CCSER2: variants seen among roughly 807,000 people sequenced by gnomAD.
The protein encoded by CCSER2 is coiled-coil serine rich protein 2.
In CCSER2, 46 loss-of-function variants were observed where a neutral mutation model predicts 92.3. The ratio of observed to expected loss-of-function variants is 0.50; its 90% CI spans 0.39 to 0.64. CCSER2 has a LOEUF of 0.64. Among genes scored for constraint, CCSER2 ranks in the 30% least tolerant of loss-of-function variants. CCSER2 has a pLI of 0.00. For synonymous variants in CCSER2, 433 were observed against 431.4 expected (o/e 1.00, Z -0.04); for missense variants, 1,244 against 1,238.9 (o/e 1.00, Z -0.06).
At chr10:84,425,071 T>C (rs916563327) in intron 4 of CCSER2, 341 of 966,244 alleles carry the variant, frequency 3.5e-4, no homozygotes, top group Non-Finnish European at 3.8e-4. Context: ...GCTTGGGGTG[T>C]TTCAAAGAGA....
chr10:84,363,547 C>A (rs1428605014), intron 1 of CCSER2, among the ~76,000 whole-genome samples: 1 of 152,000 alleles, frequency 6.6e-6, no homozygotes, highest in Non-Finnish European at 1.5e-5. Context: ...TCTGTTTAAA[C>A]CCCTAAAATG....
intron 3 of CCSER2, among the ~76,000 whole-genome samples, chr10:84,383,715 C>T (rs958475882): frequency 1.3e-5 from 2 of 152,202 alleles, no homozygotes; most frequent in African/African-American, 4.8e-5. Flanking sequence ...TATTATACTA[C>T]TGTCAAACTG....
chr10:84,399,992 G>A (rs1176906722), intron 3 of CCSER2, among the ~76,000 whole-genome samples: 1 of 151,950 alleles, frequency 6.6e-6, no homozygotes, highest in East Asian at 1.9e-4. Context: ...AGTCTCAAAT[G>A]AGGTTGAACT....
intron 3 of CCSER2, chr10:84,389,421 T>C (rs1451510518): frequency 8.2e-6 from 4 of 485,448 alleles, no homozygotes; most frequent in African/African-American, 2.0e-5. Flanking sequence ...GCTTTGATGA[T>C]CGGTGCAGAG....
chr10:84,484,490 C>CGTGTGT (rs143391336), intron 9 of CCSER2, among the ~76,000 whole-genome samples: 3,475 of 147,346 alleles, frequency 0.024, 122 homozygotes, highest in African/African-American at 0.077. Flanking sequence ...TGTGCATGCA[C>CGTGTGT]GTGTGTGTGT....
intron 5 of CCSER2, among the ~76,000 whole-genome samples, chr10:84,432,187 C>G (rs1843810026): frequency 6.6e-6 from 1 of 152,168 alleles, no homozygotes; most frequent in South Asian, 2.1e-4. Context: ...TATTTGCCAT[C>G]TGTATATCTT....
At chr10:84,403,351 A>G (rs957180272) in intron 3 of CCSER2, among the ~76,000 whole-genome samples, 1 of 152,208 alleles carries the variant, frequency 6.6e-6, no homozygotes, top group Non-Finnish European at 1.5e-5. Flanking sequence ...AAAGAAATAT[A>G]GAAGAAAATC....
At position 84,362,060 on chromosome 10, in the gene CCSER2, C is replaced by T. The variant is rs541042708; in HGVS notation, c.-39-8954C>T. 3.9e-5 allele frequency among the ~76,000 whole-genome samples: 6 copies of T among 152,276 alleles called. No homozygotes were observed. In the South Asian group the frequency reaches 1.2e-3, roughly 32 times the overall value. On this transcript the variant is annotated intron_variant, in intron 1 of 9. Coordinates refer to ENST00000372088, the MANE Select transcript of CCSER2 (RefSeq NM_001284240.2). ...CAAGCTGGGGCTTGAGTAGTGTATT[C>T]TGGTGAATCAAACCCAGTATGTGCC...
chr10:84,421,895 T>C (rs1468343586), intron 4 of CCSER2, among the ~76,000 whole-genome samples: 1 of 152,186 alleles, frequency 6.6e-6, no homozygotes, highest in Non-Finnish European at 1.5e-5. Flanking sequence ...CAAAAGGTTA[T>C]GATCTAATGG....
chr10:84,476,277 T>C (rs776537025), intron 8 of CCSER2, among the ~76,000 whole-genome samples: 19 of 152,132 alleles, frequency 1.2e-4, no homozygotes, highest in Non-Finnish European at 2.4e-4. Context: ...ATTTTGAATA[T>C]GGGTAAATAT....
chr10:84,500,223 C>T (rs1848654309), intron 9 of CCSER2, among the ~76,000 whole-genome samples: 1 of 152,148 alleles, frequency 6.6e-6, no homozygotes, highest in African/African-American at 2.4e-5. Context: ...GACCCTAGAC[C>T]TACTGACATG....
chr10:84,374,002 C>A, intron 3 of CCSER2, 187 bp downstream of exon 3: 1 of 1,262,286 alleles, frequency 7.9e-7, no homozygotes, highest in East Asian at 2.5e-5. Flanking sequence ...GAATATATGA[C>A]ATTTGACTTA....
intron 3 of CCSER2, among the ~76,000 whole-genome samples, chr10:84,375,161 G>C (rs1216816678): frequency 1.3e-5 from 2 of 152,096 alleles, no homozygotes; most frequent in African/African-American, 4.8e-5. Context: ...TAACCACCTT[G>C]ATTCAGTTCA....
intron 2 of CCSER2, among the ~76,000 whole-genome samples, chr10:84,373,377 C>T (rs1045142696): frequency 2.1e-4 from 32 of 152,062 alleles, no homozygotes; most frequent in African/African-American, 7.7e-4. Flanking sequence ...GGAAATATTA[C>T]AGAAGTGAAA....
In CCSER2 at chr10:84,470,477, T is replaced by C. The variant is rs376580932; in HGVS notation, c.2235+19T>C. ...TCAGCTTGTAAGTATTGTAGTATAA[T>C]GTATAGAGACTTTTCAAACTGGGTG... On this transcript the variant is annotated intron_variant, in intron 8 of 9. Transcript: ENST00000372088. 1.1e-5 allele frequency: 15 copies of C among 1,393,212 alleles called. No homozygotes were observed. The African/African-American group carries it at 1.8e-4, about 17-fold the overall frequency. The allele number at this position is 1,393,212 out of a possible 1,614,324, so 86.3% of individuals were successfully genotyped here. A position where few individuals can be genotyped will look rare whatever the true frequency, so the allele number is the denominator to read the frequency against.
At chr10:84,346,774 A>ATT (rs890343283) in intron 1 of CCSER2, among the ~76,000 whole-genome samples, 6 of 148,454 alleles carry the variant, frequency 4.0e-5, no homozygotes. Context: ...ATATATATAT[A>ATT]TATTTATTTA....
chr10:84,425,619 T>C, intron 4 of CCSER2, 112 bp from the exon 5 acceptor site: 1 of 684,954 alleles, frequency 1.5e-6, no homozygotes, highest in Non-Finnish European at 2.2e-6. Flanking sequence ...ATGGCTGATA[T>C]TTTTAAACTA....
chr10:84,425,972 A>G, intron 5 of CCSER2, 79 bp downstream of exon 5: 1 of 1,079,556 alleles, frequency 9.3e-7, no homozygotes, highest in Non-Finnish European at 1.3e-6. Context: ...AGAACCCTCA[A>G]AAAACCTGTT....
At chr10:84,331,058 A>C (rs1301107209) in intron 1 of CCSER2, among the ~76,000 whole-genome samples, 2 of 152,220 alleles carry the variant, frequency 1.3e-5, no homozygotes, top group Non-Finnish European at 2.9e-5. Context: ...TGTTCTGAAA[A>C]AAGGGTCAAT....
Sources: gnomAD v4.1 joint callset for allele counts (sites outside exome capture counted in the v4.1 genomes callset) on GRCh38, gnomAD v4.1.1 for gene constraint, MANE v1.5 for transcripts, NCBI Gene and HGNC (gene_info 2026-07-23, HGNC 2026-07-21) for gene names.